Variants in AGT observed in about 807,000 individuals in gnomAD.
AGT encodes the protein alpha-1 antiproteinase, antitrypsin.
AGT carries 26 observed loss-of-function variants against 28.1 expected under a neutral mutation model. That is an observed-to-expected ratio of 0.92 (90% CI 0.68 to 1.28). AGT has a LOEUF of 1.28. Ranked by LOEUF, AGT falls within the 50% of genes most tolerant of loss-of-function variation. The pLI is 0.00. For synonymous variants in AGT, 259 were observed against 259.6 expected (o/e 1.00, Z 0.02); for missense variants, 596 against 592.3 (o/e 1.01, Z -0.06).
intron 1 of AGT, among the ~76,000 whole-genome samples, chr1:230,723,681 A>AT (rs1281218319): frequency 1.3e-5 from 2 of 152,148 alleles, no homozygotes; most frequent in African/African-American, 4.8e-5. Flanking sequence ...TCCATCCATA[A>AT]TTAGTCCTAT....
upstream of AGT, among the ~76,000 whole-genome samples, chr1:230,718,767 C>G (rs1663790511): frequency 7.1e-6 from 1 of 140,684 alleles, no homozygotes; most frequent in Non-Finnish European, 1.5e-5. Context: ...ACTTTGTCAC[C>G]CAGGCTGGAG....
At chr1:230,720,327 T>TA (rs1663818458) in intron 1 of AGT, among the ~76,000 whole-genome samples, 1 of 152,230 alleles carries the variant, frequency 6.6e-6, no homozygotes, top group Non-Finnish European at 1.5e-5. Context: ...TTCTGTTAGT[T>TA]ACTGACTTCT....
chr1:230,726,937 G>A (rs1663954513), intron 1 of AGT, among the ~76,000 whole-genome samples: 2 of 152,190 alleles, frequency 1.3e-5, no homozygotes, highest in African/African-American at 2.4e-5. Context: ...TGGGCTAGCT[G>A]AGTGACGAAT....
chr1:230,727,198 G>A (rs2102800946), intron 1 of AGT, among the ~76,000 whole-genome samples: 1 of 152,252 alleles, frequency 6.6e-6, no homozygotes, highest in Non-Finnish European at 1.5e-5. Context: ...CTACAATGTT[G>A]AGGCAAGAGA....
intron 1 of AGT, among the ~76,000 whole-genome samples, chr1:230,726,504 A>AT (rs1663945021): frequency 6.6e-6 from 1 of 152,098 alleles, no homozygotes; most frequent in Non-Finnish European, 1.5e-5. Flanking sequence ...CAAAAAAAAA[A>AT]GACTTCACCT....
upstream of AGT, among the ~76,000 whole-genome samples, chr1:230,718,253 CT>C (rs892007384): frequency 3.4e-3 from 523 of 152,100 alleles, 3 homozygotes; most frequent in African/African-American, 0.012. Context: ...CCTGTTCTTT[CT>C]TTTTTAATAA....
At chr1:230,724,867 G>C (rs1157113395) in intron 1 of AGT, among the ~76,000 whole-genome samples, 1 of 152,136 alleles carries the variant, frequency 6.6e-6, no homozygotes, top group Non-Finnish European at 1.5e-5. Flanking sequence ...AAATTTAGAT[G>C]TGCAGAATTT....
intron 1 of AGT, among the ~76,000 whole-genome samples, chr1:230,734,919 T>G (rs1158534807): frequency 6.6e-6 from 1 of 152,074 alleles, no homozygotes; most frequent in African/African-American, 2.4e-5. Flanking sequence ...TTTCACCATG[T>G]TGGCCAGGAT....
upstream of AGT, among the ~76,000 whole-genome samples, chr1:230,718,722 C>CTTTTTTTT (rs1228887131): frequency 5.6e-4 from 66 of 118,442 alleles, 5 homozygotes; most frequent in Middle Eastern, 4.8e-3. Flanking sequence ...TTCCACACCG[C>CTTTTTTTT]TTTTTTTTTT....
chr1:230,732,393 G>C (rs1664084855), intron 1 of AGT, among the ~76,000 whole-genome samples: 1 of 151,980 alleles, frequency 6.6e-6, no homozygotes, highest in South Asian at 2.1e-4. Context: ...AACTCTCTGT[G>C]CCCACCAAGA....
chr1:230,736,324 C>A (rs140160100), intron 1 of AGT, among the ~76,000 whole-genome samples: 1 of 152,040 alleles, frequency 6.6e-6, no homozygotes, highest in African/African-American at 2.4e-5. Flanking sequence ...GAGATTGAGA[C>A]CATCCTGGCT....
chr1:230,719,844 G>A (rs1224576534), intron 1 of AGT, among the ~76,000 whole-genome samples: 2 of 152,162 alleles, frequency 1.3e-5, no homozygotes, highest in Non-Finnish European at 2.9e-5. Context: ...TCCAGTTTCA[G>A]GTACTTATGA....
At chr1:230,717,646 C>A (rs1271580229), upstream of AGT, among the ~76,000 whole-genome samples, 1 of 152,134 alleles carries the variant, frequency 6.6e-6, no homozygotes, top group Non-Finnish European at 1.5e-5. Context: ...TACTGGAAAG[C>A]AGGAAGAGGG....
chr1:230,719,431 G>T (rs1297790488), upstream of AGT, among the ~76,000 whole-genome samples: 2 of 74,578 alleles, frequency 2.7e-5, no homozygotes, highest in African/African-American at 9.9e-5. Context: ...TTTTTGAGAC[G>T]GAGTCTCGCT....
At chr1:230,713,961 TATGAGAG>T (rs1292011845) in intron 1 of AGT, 118 bp downstream of exon 1, 2 of 152,158 alleles carry the variant, frequency 1.3e-5, no homozygotes, top group Non-Finnish European at 2.9e-5. Context: ...TGACTGGTCT[TATGAGAG>T]GGGAGAGGTT....
intron 1 of AGT, among the ~76,000 whole-genome samples, chr1:230,721,648 A>G (rs1663845459): frequency 6.6e-6 from 1 of 152,200 alleles, no homozygotes; most frequent in Non-Finnish European, 1.5e-5. Flanking sequence ...AGATGTTGAC[A>G]ATGAAGTTCA....
rs138089000 is a variant in AGT at position 230,706,318 on chromosome 1, T to C, written c.830-118A>G. The C allele has an allele frequency of 1.7e-4, 201 of 1,203,458 alleles. 3 individuals carry two copies. The African/African-American group carries it at 2.7e-3, about 16-fold the overall frequency. The allele number at this position is 1,203,458 out of a possible 1,614,324, so 74.5% of individuals were successfully genotyped here. A position where few individuals can be genotyped will look rare whatever the true frequency, so the allele number is the denominator to read the frequency against. Reference sequence around the variant, plus strand: ...CTCGCCCTGCCTCAGCCTCCTTCCTTGGCCCCCCCCAGGCCACTCTGCATT... The same window carrying C: ...CTCGCCCTGCCTCAGCCTCCTTCCTCGGCCCCCCCCAGGCCACTCTGCATT... On this transcript the variant is annotated intron_variant, in intron 2 of 4. Transcript: ENST00000366667.
intron 2 of AGT, among the ~76,000 whole-genome samples, chr1:230,708,452 G>A (rs1194894960): frequency 2.6e-5 from 4 of 152,098 alleles, no homozygotes; most frequent in Admixed American, 6.6e-5. Context: ...CCCTCAACCG[G>A]GCAACCCTCG....
At chr1:230,739,281 G>A (rs184982423) in intron 1 of AGT, among the ~76,000 whole-genome samples, 2 of 151,762 alleles carry the variant, frequency 1.3e-5, no homozygotes, top group East Asian at 3.9e-4. Flanking sequence ...CTGGAGCCCA[G>A]GAGTTGGAAG....
Sources: gnomAD v4.1 joint callset for allele counts (sites outside exome capture counted in the v4.1 genomes callset) on GRCh38, gnomAD v4.1.1 for gene constraint, MANE v1.5 for transcripts, NCBI Gene and HGNC (gene_info 2026-07-23, HGNC 2026-07-21) for gene names.